The following HECW1 variants were observed in gnomAD, a reference collection of about 807,000 sequenced individuals.
The protein encoded by HECW1 is HECT, C2 and WW domain containing E3 ubiquitin protein ligase 1.
HECW1 carries 61 observed loss-of-function variants against 182.3 expected under a neutral mutation model. That is an observed-to-expected ratio of 0.33 (90% confidence interval 0.27 to 0.41). The LOEUF is 0.41. HECW1 is among the 10% of genes least tolerant of loss of function. HECW1 has a pLI of 1.00. For missense variants in HECW1, 1,739 were observed against 2,108.9 expected (o/e 0.82, Z 3.44); for synonymous variants, 859 against 832.6 (o/e 1.03, Z -0.55).
At chr7:43,253,145 A>T (rs1312473260) in intron 3 of HECW1, among the ~76,000 whole-genome samples, 1 of 151,434 alleles carries the variant, frequency 6.6e-6, no homozygotes, top group African/African-American at 2.4e-5. Flanking sequence ...AAAAAAAAAA[A>T]TCCTGGTCAT....
intron 6 of HECW1, 87 bp downstream of exon 6, chr7:43,361,067 T>C (rs1459869783): frequency 6.4e-5 from 40 of 627,774 alleles, no homozygotes; most frequent in Middle Eastern, 3.6e-4. Context: ...CGTGTGTGTG[T>C]GTGTGTGTGT....
At position 43,113,974 on chromosome 7, in the gene HECW1, C is replaced by A. The variant is rs558215562; in HGVS notation, c.-266-183C>A. 9.9e-5 allele frequency: 31 copies of A among 312,644 alleles called. No homozygotes were observed. The South Asian group carries it at 1.0e-3, about 10-fold the overall frequency. The allele number at this position is 312,644 out of a possible 1,614,324, so 19.4% of individuals were successfully genotyped here. On this transcript the variant is annotated intron_variant, in intron 1 of 29. Transcript: ENST00000395891. Reference sequence around the variant, plus strand: ...GGACACAGGCTGCAGAGATGCCCGGCTTCCTGTGGTTCCGGGCACAGCGCG... The same window carrying A: ...GGACACAGGCTGCAGAGATGCCCGGATTCCTGTGGTTCCGGGCACAGCGCG...
chr7:43,201,051 T>C (rs1794979929), intron 2 of HECW1, among the ~76,000 whole-genome samples: 1 of 152,118 alleles, frequency 6.6e-6, no homozygotes, highest in South Asian at 2.1e-4. Flanking sequence ...GAGAAGGATA[T>C]TTGTGATAGG....
intron 2 of HECW1, among the ~76,000 whole-genome samples, chr7:43,130,571 A>G (rs986539877): frequency 1.7e-4 from 26 of 152,328 alleles, no homozygotes; most frequent in Non-Finnish European, 3.7e-4. Flanking sequence ...TTCGCACTTC[A>G]GTACTCAACA....
intron 16 of HECW1, among the ~76,000 whole-genome samples, chr7:43,474,067 A>C (rs575937062): frequency 6.6e-6 from 1 of 152,234 alleles, no homozygotes; most frequent in Non-Finnish European, 1.5e-5. Flanking sequence ...GTTTAGAAAT[A>C]AAAGAATAAA....
intron 5 of HECW1, among the ~76,000 whole-genome samples, chr7:43,345,550 A>G (rs1813568255): frequency 1.3e-5 from 2 of 152,060 alleles, no homozygotes; most frequent in Admixed American, 6.6e-5. Context: ...ATACACCACA[A>G]CATACCTGTA....
At chr7:43,463,275 T>A (rs2077649885) in intron 13 of HECW1, among the ~76,000 whole-genome samples, 1 of 152,244 alleles carries the variant, frequency 6.6e-6, no homozygotes, top group African/African-American at 2.4e-5. Flanking sequence ...GCCCAGTTTG[T>A]ACACTTATTA....
rs377574727 is a variant in HECW1, at chr7:43,444,962, A to G, written c.1790A>G (p.Lys597Arg). The G allele has an allele frequency of 4.1e-5, 64 of 1,571,574 alleles. No individual in the cohort carries two copies. The highest frequency in any genetic ancestry group is 5.2e-5 in the Non-Finnish European group (60 of 1,157,566). Residue 597 changes from lysine to arginine, a missense_variant, in exon 11 of 30, where the codon AAG becomes AGG. Physicochemically the swap from Lys to Arg is conservative, Grantham distance 26. Coordinates refer to ENST00000395891, the MANE Select transcript of HECW1 (RefSeq NM_015052.5). This position sits in a 1 kb window ranked among gnomAD's most constrained non-coding sequence, Gnocchi z 4.3. ...TCCACCCTCAAGGACTCCTCGGAGA[A>G]GGATGGGCTCAGCGAGGTGGACACG... ...EESTLKDSSE[K>R]DGLSEVDTVA...
intron 5 of HECW1, among the ~76,000 whole-genome samples, chr7:43,340,718 A>T (rs1469049987): frequency 6.6e-6 from 1 of 151,806 alleles, no homozygotes; most frequent in Non-Finnish European, 1.5e-5. Context: ...GTGGGAGTGT[A>T]AACTAGTTCA....
At chr7:43,421,331 C>T (rs1214124586) in intron 8 of HECW1, among the ~76,000 whole-genome samples, 1 of 152,106 alleles carries the variant, frequency 6.6e-6, no homozygotes, top group Non-Finnish European at 1.5e-5. Flanking sequence ...AACAATAAAG[C>T]TTCTAATTCA....
At chr7:43,427,852 T>A (rs959089486) in intron 8 of HECW1, among the ~76,000 whole-genome samples, 3 of 152,210 alleles carry the variant, frequency 2.0e-5, no homozygotes, top group Admixed American at 2.0e-4. Flanking sequence ...AGAATGTCCC[T>A]TGCATTGAAT....
chr7:43,412,425 TTTTA>T (rs200549707), intron 8 of HECW1, among the ~76,000 whole-genome samples: 51,796 of 146,962 alleles, frequency 0.35, 9,330 homozygotes, highest in Middle Eastern at 0.48. Context: ...TTTTCATTTC[TTTTA>T]TTTATTTATT....
At chr7:43,261,137 A>T (rs1801123992) in intron 3 of HECW1, among the ~76,000 whole-genome samples, 1 of 152,210 alleles carries the variant, frequency 6.6e-6, no homozygotes, top group Non-Finnish European at 1.5e-5. Context: ...TATAATGAGG[A>T]TGAGTCGCAG....
intron 6 of HECW1, among the ~76,000 whole-genome samples, chr7:43,361,218 G>A (rs1391412778): frequency 6.6e-6 from 1 of 152,198 alleles, no homozygotes; most frequent in Non-Finnish European, 1.5e-5. Flanking sequence ...ACACTTGTGT[G>A]TTAGGGAGGA....
intron 2 of HECW1, among the ~76,000 whole-genome samples, chr7:43,198,687 CACACCATACAT>C (rs1794740876): frequency 6.6e-6 from 1 of 151,410 alleles, no homozygotes. Context: ...ACACACCACA[CACACCATACAT>C]ACACCCCCCA....
intron 24 of HECW1, among the ~76,000 whole-genome samples, chr7:43,531,983 G>T (rs2081010347): frequency 6.6e-6 from 1 of 152,168 alleles, no homozygotes; most frequent in African/African-American, 2.4e-5. Context: ...CTGTAGTGCG[G>T]CCCTGTGCCC....
At chr7:43,352,525 AC>A (rs1209750386) in intron 5 of HECW1, among the ~76,000 whole-genome samples, 8 of 152,164 alleles carry the variant, frequency 5.3e-5, no homozygotes. Context: ...GTTATTAAAA[AC>A]TTTTGAGAGA....
intron 15 of HECW1, among the ~76,000 whole-genome samples, chr7:43,467,021 T>G (rs899816461): frequency 7.2e-5 from 11 of 152,260 alleles, no homozygotes; most frequent in Non-Finnish European, 1.5e-4. Context: ...CATATGATTT[T>G]ACATATGTAG....
chr7:43,446,525 CGGGGA>C (rs2077061081), intron 11 of HECW1, among the ~76,000 whole-genome samples: 1 of 152,062 alleles, frequency 6.6e-6, no homozygotes, highest in Non-Finnish European at 1.5e-5. Context: ...CAACAAAAGG[CGGGGA>C]TATTTTCTCT....
Sources: allele counts gnomAD v4.1 joint callset (sites outside exome capture counted in the v4.1 genomes callset), GRCh38; gene constraint gnomAD v4.1.1; non-coding constraint Gnocchi (gnomAD v3.1); transcripts MANE v1.5; gene names NCBI Gene and HGNC (gene_info 2026-07-23, HGNC 2026-07-21).